Variants in RASSF8 observed in about 807,000 individuals in gnomAD.
RASSF8 encodes ras association domain-containing protein 8.
In RASSF8, 22 loss-of-function variants were observed where a neutral mutation model predicts 48.5. The ratio of observed to expected loss-of-function variants is 0.45; its 90% CI spans 0.32 to 0.65. RASSF8 has a LOEUF of 0.65. Ranked by LOEUF, RASSF8 falls within the 30% of genes least tolerant of loss-of-function variation. The pLI, the probability that RASSF8 is intolerant of heterozygous loss-of-function variation, is 0.03. For synonymous variants in RASSF8, 127 were observed against 171.5 expected, an observed-to-expected ratio of 0.74 and a Z score of 2.03; for missense variants, 418 against 489.2, an observed-to-expected ratio of 0.85 and a Z score of 1.37.
intron 2 of RASSF8, among the ~76,000 whole-genome samples, chr12:26,036,798 C>G (rs1427861039): frequency 6.6e-6 from 1 of 151,960 alleles, no homozygotes; most frequent in Non-Finnish European, 1.5e-5. Flanking sequence ...GTGGCACACG[C>G]CCAGCTATTA....
chr12:26,055,033 T>A (rs1943572736), intron 2 of RASSF8, among the ~76,000 whole-genome samples: 1 of 152,220 alleles, frequency 6.6e-6, no homozygotes, highest in South Asian at 2.1e-4. Flanking sequence ...ATTAAAATTA[T>A]GATAAAAATA....
chr12:26,051,976 C>T (rs1240644107), intron 2 of RASSF8, among the ~76,000 whole-genome samples: 2 of 152,124 alleles, frequency 1.3e-5, no homozygotes, highest in African/African-American at 4.8e-5. Context: ...GGTGAAATCC[C>T]ACCAACAAAA....
chr12:26,011,846 A>G (rs1272324204), intron 2 of RASSF8: 1 of 152,254 alleles, frequency 6.6e-6, no homozygotes, highest in Non-Finnish European at 1.5e-5. Context: ...TGTGTTGTTC[A>G]TAAGCCACCC....
chr12:25,980,713 A>G (rs570291483), intron 1 of RASSF8, among the ~76,000 whole-genome samples: 2 of 152,316 alleles, frequency 1.3e-5, no homozygotes, highest in East Asian at 3.9e-4. Flanking sequence ...GAGCAGGTGA[A>G]GCCATAGAAG....
intron 2 of RASSF8, among the ~76,000 whole-genome samples, chr12:26,016,959 A>G (rs1942665822): frequency 6.6e-6 from 1 of 152,176 alleles, no homozygotes; most frequent in South Asian, 2.1e-4. Flanking sequence ...AAACTAGACA[A>G]GTATTTTTTT....
At position 26,014,451 on chromosome 12, in the gene RASSF8, C is replaced by T. The variant is rs993263068; in HGVS notation, c.-109+19321C>T. Among the ~76,000 whole-genome samples the T allele has an allele frequency of 9.9e-5, 15 of 151,992 alleles. 1 individual carries two copies. The highest frequency in any genetic ancestry group is 1.6e-4 in the Non-Finnish European group (11 of 68,008). On this transcript the variant is annotated intron_variant, in intron 2 of 5. Transcript: ENST00000689635. ...AAATAATAAATACGATAAATTATTG[C>T]GGTGTTTTATAGGAAGAACAGACAC...
At chr12:26,059,183 C>G (rs1012038417) in intron 3 of RASSF8, among the ~76,000 whole-genome samples, 3 of 152,098 alleles carry the variant, frequency 2.0e-5, no homozygotes, top group African/African-American at 7.2e-5. Flanking sequence ...TATTTCTGCC[C>G]TCAGGCAGCT....
chr12:25,989,189 A>G (rs1398717548), intron 1 of RASSF8, among the ~76,000 whole-genome samples: 1 of 152,116 alleles, frequency 6.6e-6, no homozygotes, highest in Non-Finnish European at 1.5e-5. Flanking sequence ...CTAAGGCCCA[A>G]CCATATGTTT....
chr12:26,078,423 T>G (rs976471458), intron 5 of RASSF8, among the ~76,000 whole-genome samples: 1 of 152,164 alleles, frequency 6.6e-6, no homozygotes, highest in Non-Finnish European at 1.5e-5. Flanking sequence ...CACATCAGGC[T>G]TCAGTGAGAG....
chr12:26,052,598 A>G (rs1943514635), intron 2 of RASSF8: 1 of 152,158 alleles, frequency 6.6e-6, no homozygotes, highest in African/African-American at 2.4e-5. Flanking sequence ...ACACGCACCT[A>G]CAGTGTAGGT....
At chr12:26,007,260 G>A (rs956948251) in intron 2 of RASSF8, among the ~76,000 whole-genome samples, 1 of 152,106 alleles carries the variant, frequency 6.6e-6, no homozygotes, top group Non-Finnish European at 1.5e-5. Context: ...TGCCACACTG[G>A]GGATCAAATT....
intron 2 of RASSF8, among the ~76,000 whole-genome samples, chr12:26,036,944 T>C (rs1010190814): frequency 6.6e-6 from 1 of 151,600 alleles, no homozygotes; most frequent in Non-Finnish European, 1.5e-5. Context: ...CAAAAAACTG[T>C]ATGTGTATTA....
At chr12:25,965,077 G>A (rs563042686) in intron 1 of RASSF8, among the ~76,000 whole-genome samples, 1 of 151,978 alleles carries the variant, frequency 6.6e-6, no homozygotes, top group East Asian at 2.0e-4. Context: ...TGAGTAGCTG[G>A]GACTACAGGT....
At chr12:26,060,089 G>A (rs530511128) in intron 3 of RASSF8, among the ~76,000 whole-genome samples, 31 of 152,242 alleles carry the variant, frequency 2.0e-4, no homozygotes, top group African/African-American at 7.5e-4. Context: ...AGTAGAGACG[G>A]GGTTTCACCG....
At chr12:25,989,778 G>T (rs1412164764) in intron 1 of RASSF8, among the ~76,000 whole-genome samples, 1 of 151,930 alleles carries the variant, frequency 6.6e-6, no homozygotes, top group Non-Finnish European at 1.5e-5. Flanking sequence ...TTAGGTCAAG[G>T]GTGTGGTGGG....
At chr12:26,043,432 G>C (rs1943307937) in intron 2 of RASSF8, among the ~76,000 whole-genome samples, 1 of 152,312 alleles carries the variant, frequency 6.6e-6, no homozygotes, top group African/African-American at 2.4e-5. Flanking sequence ...GCAGAGTTTG[G>C]ATTTTATCCT....
chr12:26,019,842 A>G lies in RASSF8; in HGVS notation c.-109+24712A>G, dbSNP rs368171817. On this transcript the variant is annotated intron_variant, in intron 2 of 5. Transcript: ENST00000689635. ...TGCTGTATTTTAAACTGTGACTTAG[A>G]TAATTCTCTTATAAGGGGGAATTAA... is the stretch of plus-strand genomic sequence containing the variant. Among the ~76,000 whole-genome samples the G allele has an allele frequency of 2.3e-3, 352 of 152,234 alleles. 11 individuals carry two copies. In the South Asian group the frequency reaches 0.067, roughly 29 times the overall value.
chr12:26,050,409 G>A (rs1943466602), intron 2 of RASSF8, among the ~76,000 whole-genome samples: 1 of 152,142 alleles, frequency 6.6e-6, no homozygotes, highest in African/African-American at 2.4e-5. Flanking sequence ...TTCAAACTGT[G>A]TGCCGAGCCC....
At chr12:26,005,879 T>A (rs866844032) in intron 2 of RASSF8, among the ~76,000 whole-genome samples, 13 of 152,250 alleles carry the variant, frequency 8.5e-5, no homozygotes, top group Non-Finnish European at 1.9e-4. Context: ...TCAATACTTG[T>A]GACAGTTTCC....
Sources: allele counts gnomAD v4.1 joint callset (sites outside exome capture counted in the v4.1 genomes callset), GRCh38; gene constraint gnomAD v4.1.1; transcripts MANE v1.5; gene names NCBI Gene and HGNC (gene_info 2026-07-23, HGNC 2026-07-21).